Variants in TBC1D30 observed in about 807,000 individuals in gnomAD.
The protein encoded by TBC1D30 is TBC1 domain family, member 30.
Under a neutral mutation model 63.2 loss-of-function variants are expected in TBC1D30, and 31 were observed. The ratio of observed to expected loss-of-function variants is 0.49; its 90% CI spans 0.37 to 0.66. The LOEUF (loss-of-function observed/expected upper bound fraction) is 0.66. Among genes scored for constraint, TBC1D30 ranks in the 30% least tolerant of loss-of-function variants. TBC1D30 has a pLI of 0.00. For missense variants in TBC1D30, 810 were observed against 953.6 expected, an observed-to-expected ratio of 0.85 and a Z score of 1.98; for synonymous variants, 307 against 361.5, an observed-to-expected ratio of 0.85 and a Z score of 1.71.
In TBC1D30 at chr12:64,876,671, G is replaced by C. The variant is rs1441482517; in HGVS notation, c.*883G>C. ...CCAGCTCTAGACTGCAGACGCACAA[G>C]GCCTCTGCTCAGAAGCCAGAACACA... On this transcript the variant is annotated 3_prime_UTR_variant, in exon 12 of 12. Transcript: ENST00000539867. 2.4e-6 allele frequency: 1 copy of C among 408,902 alleles called. No individual in the cohort carries two copies. The highest frequency in any genetic ancestry group is 7.1e-5 in the East Asian group (1 of 14,056). The allele number at this position is 408,902 out of a possible 1,614,324, so 25.3% of individuals were successfully genotyped here. A position where few individuals can be genotyped will look rare whatever the true frequency, so the allele number is the denominator to read the frequency against.
intron 1 of TBC1D30, among the ~76,000 whole-genome samples, chr12:64,764,325 A>G (rs970139912): frequency 1.3e-5 from 2 of 152,206 alleles, no homozygotes; most frequent in East Asian, 3.9e-4. Flanking sequence ...AGCTTAAGCA[A>G]AAATGCATCC....
chr12:64,773,360 G>A (rs1870973406), intron 1 of TBC1D30, among the ~76,000 whole-genome samples: 1 of 152,174 alleles, frequency 6.6e-6, no homozygotes, highest in South Asian at 2.1e-4. Context: ...TTCCTAAAGG[G>A]CAGGGTGAGC....
chr12:64,782,567 C>T (rs1177798126), intron 1 of TBC1D30, among the ~76,000 whole-genome samples: 1 of 152,152 alleles, frequency 6.6e-6, no homozygotes, highest in Non-Finnish European at 1.5e-5. Flanking sequence ...CCAACAGAAT[C>T]AATTTTGAAG....
rs936573819 is a variant in TBC1D30, at chr12:64,877,952, T to C, written c.*2164T>C. 4 of 155,622 alleles carry C rather than the reference T, an allele frequency of 2.6e-5. No individual in the cohort carries two copies. The highest frequency in any genetic ancestry group is 9.6e-5 in the African/African-American group (4 of 41,486). The allele number at this position is 155,622 out of a possible 1,614,324, so 9.6% of individuals were successfully genotyped here. ...AGGTAGAGGCCACTTATACAAGTCC[T>C]TGGGATTGTACCATTGCTGTCCACA... On this transcript the variant is annotated 3_prime_UTR_variant, in exon 12 of 12. Transcript: ENST00000539867.
Position 64,828,468 on chromosome 12 carries a change from G to T in TBC1D30, c.241G>T (p.Ala81Ser). Reference sequence around the variant, plus strand: ...GTGGTACGATGCTCTCAAGGCAGTTGCCAGGCTATCCACAGGAATACCAAA... The same window carrying T: ...GTGGTACGATGCTCTCAAGGCAGTTTCCAGGCTATCCACAGGAATACCAAA... ...QQWYDALKAVARLSTGIPKEW... is the reference protein window; with the variant it reads ...QQWYDALKAVSRLSTGIPKEW... Residue 81 changes from alanine to serine, a missense_variant, in exon 3 of 12, where the codon GCC (alanine) becomes TCC (serine). Ala to Ser is a moderately conservative substitution (Grantham distance 99). Coordinates refer to ENST00000539867, the MANE Select transcript of TBC1D30 (RefSeq NM_015279.2). 6.5e-7 allele frequency: 1 copy of T among 1,535,926 alleles called. No individual in the cohort carries two copies. Among genetic ancestry groups the T allele is most frequent in the Non-Finnish European group, 8.7e-7 (1 of 1,146,768 alleles).
chr12:64,814,727 G>C (rs1873421938), intron 2 of TBC1D30, among the ~76,000 whole-genome samples: 2 of 152,128 alleles, frequency 1.3e-5, no homozygotes, highest in South Asian at 4.1e-4. Flanking sequence ...AGTATAATAG[G>C]CCACGCTTAT....
At chr12:64,814,119 C>T (rs1335841759) in intron 2 of TBC1D30, among the ~76,000 whole-genome samples, 3 of 151,970 alleles carry the variant, frequency 2.0e-5, no homozygotes, top group Admixed American at 6.6e-5. Context: ...TGATTTTGGT[C>T]CACTGCAAAC....
chr12:64,866,468 C>T (rs982154578), intron 9 of TBC1D30, among the ~76,000 whole-genome samples: 2 of 151,592 alleles, frequency 1.3e-5, no homozygotes, highest in Non-Finnish European at 2.9e-5. Context: ...CGGAGTCTTG[C>T]TCTGTCGTCG....
chr12:64,858,658 T>TG (rs1877515741), intron 8 of TBC1D30, among the ~76,000 whole-genome samples: 1 of 152,240 alleles, frequency 6.6e-6, no homozygotes, highest in Admixed American at 6.5e-5. Flanking sequence ...CTACACTAAG[T>TG]CCTTCAGCAC....
At chr12:64,832,943 T>C (rs1875001529) in intron 5 of TBC1D30, among the ~76,000 whole-genome samples, 1 of 152,168 alleles carries the variant, frequency 6.6e-6, no homozygotes, top group South Asian at 2.1e-4. Context: ...GAGTTTAAGT[T>C]ACAGATTTGT....
chr12:64,875,252 G>A lies in TBC1D30; in HGVS notation c.1750G>A (p.Gly584Ser), dbSNP rs1415912461. Residue 584 changes from glycine (G) to serine (S), a missense_variant, in exon 12 of 12, where the codon GGC becomes AGC. By Grantham distance (56) the Gly-to-Ser change is moderately conservative. Around this residue, in one of 4 missense-constraint regions of TBC1D30, gnomAD observed 450 missense variants for 473.0 expected, o/e 0.95. Coordinates refer to ENST00000539867, the MANE Select transcript of TBC1D30 (RefSeq NM_015279.2). ...KNMPRTKSHP[G>S]CGDTVGLIDE... ...CATGCCAAGGACCAAGAGTCATCCG[G>A]GCTGTGGGGACACCGTAGGGCTGAT... is the stretch of plus-strand genomic sequence containing the variant. The A allele has an allele frequency of 6.5e-7, 1 of 1,536,190 alleles. No individual in the cohort carries two copies. The highest frequency in any genetic ancestry group is 2.0e-5 in the Admixed American group (1 of 50,970).
chr12:64,859,812 G>C (rs1877623446), intron 8 of TBC1D30, among the ~76,000 whole-genome samples: 1 of 152,086 alleles, frequency 6.6e-6, no homozygotes, highest in Non-Finnish European at 1.5e-5. Context: ...ACTGGTCATA[G>C]CTCTGCTCCC....
Position 64,875,049 on chromosome 12 carries a change from C to T in TBC1D30, c.1547C>T (p.Pro516Leu), listed in dbSNP as rs1253163622. The change falls in exon 12 of 12, where the codon CCA becomes CTA. Residue 516 changes from proline (P) to leucine (L), a missense_variant. By Grantham distance (98) the Pro-to-Leu change is moderately conservative. Transcript: ENST00000539867. ...SILPSQVNSS[P>L]VINHLLLGKK... ...CTCCCGTCTCAGGTAAACAGTTCTC[C>T]AGTTATAAACCACCTTCTTTTAGGA... 6 of 1,536,618 alleles carry T rather than the reference C, an allele frequency of 3.9e-6. No homozygotes were observed. Among genetic ancestry groups the T allele is most frequent in the Non-Finnish European group, 4.4e-6 (5 of 1,147,050 alleles).
intron 2 of TBC1D30, among the ~76,000 whole-genome samples, chr12:64,795,704 CTTT>C (rs1200673199): frequency 7.5e-6 from 1 of 133,122 alleles, no homozygotes; most frequent in Non-Finnish European, 1.6e-5. Flanking sequence ...CTCCACGCTC[CTTT>C]TTTTTTTTTT....
intron 1 of TBC1D30, among the ~76,000 whole-genome samples, chr12:64,827,566 T>G (rs1046314147): frequency 6.6e-6 from 1 of 152,180 alleles, no homozygotes; most frequent in African/African-American, 2.4e-5. Context: ...GTGGTGTCAT[T>G]TTTTGTTTTT....
intron 1 of TBC1D30, chr12:64,825,344 G>T: frequency 2.9e-6 from 1 of 347,966 alleles, no homozygotes. Context: ...GCGGGTGGCT[G>T]CCCGGGCCCT....
At chr12:64,799,048 C>T (rs1038364079) in intron 2 of TBC1D30, among the ~76,000 whole-genome samples, 3 of 151,992 alleles carry the variant, frequency 2.0e-5, no homozygotes, top group East Asian at 3.9e-4. Flanking sequence ...CTCTTGACCT[C>T]GTGACCTGCC....
chr12:64,770,077 T>A (rs1870851239), intron 1 of TBC1D30, among the ~76,000 whole-genome samples: 1 of 152,208 alleles, frequency 6.6e-6, no homozygotes, highest in Non-Finnish European at 1.5e-5. Context: ...AAGGAAAAAG[T>A]AATTTTAATT....
rs74765750 is a variant in TBC1D30, at chr12:64,873,163, G to A, written c.1499-1838G>A. Among the ~76,000 whole-genome samples the A allele has an allele frequency of 1.0e-3, 153 of 152,300 alleles. 1 individual carries two copies. Among genetic ancestry groups the A allele is most frequent in the Non-Finnish European group, 1.7e-3 (119 of 68,024 alleles). On this transcript the variant is annotated intron_variant, in intron 11 of 11. Transcript: ENST00000539867. Reference sequence around the variant, plus strand: ...TTAGTGGAAGGTGGTGAGTATGGTGGTTGAGGTATCAGCTTCCGAAGTTAG... The same window carrying A: ...TTAGTGGAAGGTGGTGAGTATGGTGATTGAGGTATCAGCTTCCGAAGTTAG...
Sources: gnomAD v4.1 joint callset for allele counts (sites outside exome capture counted in the v4.1 genomes callset) on GRCh38, gnomAD v4.1.1 for gene constraint, gnomAD v4.1.1 regional missense constraint, MANE v1.5 for transcripts, NCBI Gene and HGNC (gene_info 2026-07-23, HGNC 2026-07-21) for gene names.